MRGPRF: variants seen among roughly 807,000 people sequenced by gnomAD.
MRGPRF encodes the protein MAS related GPR family member F.
In MRGPRF, 2 loss-of-function variants were observed where a neutral mutation model predicts 3.3. The observed-to-expected ratio is 0.61, with a 90% CI of 0.25 to 1.92. The LOEUF (loss-of-function observed/expected upper bound fraction) is 1.92. Ranked by LOEUF, MRGPRF falls within the 40% of genes most tolerant of loss-of-function variation. The pLI is 0.16. For missense variants in MRGPRF, 500 were observed against 476.0 expected (o/e 1.05, Z -0.47); for synonymous variants, 242 against 222.7 (o/e 1.09, Z -0.77).
rs759964191 is a variant in MRGPRF at position 69,009,845 on chromosome 11, G to T, written c.48+9C>A. The T allele has an allele frequency of 1.2e-6, 2 of 1,609,446 alleles. No individual in the cohort carries two copies. Among genetic ancestry groups the T allele is most frequent in the South Asian group, 2.2e-5 (2 of 91,038 alleles). The stretch of plus-strand genomic sequence containing the variant: ...GGCAAGACCAGGGCCCTCCGCCTGT[G>T]GCACTTACCTTGTTCCTGTTGCCGG... On this transcript the variant is annotated intron_variant, in intron 2 of 2. Coordinates refer to ENST00000309099, the MANE Select transcript of MRGPRF (RefSeq NM_145015.5).
In MRGPRF at chr11:69,005,474, C is replaced by A; in HGVS notation, c.836G>T (p.Cys279Phe). The A allele has an allele frequency of 6.3e-7, 1 of 1,587,582 alleles. No homozygotes were observed. The highest frequency in any genetic ancestry group is 1.8e-5 in the Admixed American group (1 of 56,150). Residue 279 changes from cysteine to phenylalanine, a missense_variant, in exon 3 of 3, where the codon TGC becomes TTC. Cys to Phe is a radical substitution (Grantham distance 205). Transcript: ENST00000309099. ...CTTGGCGCTGCTGTTGATGCAGATGCACAGGTCAGTGACGTACTCGGGGAA... is the reference window on the plus strand; with the variant it reads ...CTTGGCGCTGCTGTTGATGCAGATGAACAGGTCAGTGACGTACTCGGGGAA... ...APFPEYVTDLCICINSSAKPI... is the reference protein window; with the variant it reads ...APFPEYVTDLFICINSSAKPI...
In MRGPRF at chr11:69,013,182, C is replaced by T. The variant is rs898551338; in HGVS notation, c.-156G>A. ...ACCCGCCGGGGCAGCAGGCCAGCGC[C>T]GAGCGCGGCCCGGAGCCTTGGAAAA... On this transcript the variant is annotated 5_prime_UTR_variant, in exon 1 of 3. Transcript: ENST00000309099. The T allele has an allele frequency of 3.3e-5, 5 of 152,320 alleles. No homozygotes were observed. The highest frequency in any genetic ancestry group is 3.1e-3 in the Middle Eastern group (1 of 320). The allele number at this position is 152,320 out of a possible 1,614,324, so 9.4% of individuals were successfully genotyped here.
Position 69,005,465 on chromosome 11 carries a change from A to T in MRGPRF, c.845T>A (p.Ile282Asn). 2.5e-6 allele frequency: 4 copies of T among 1,588,266 alleles called. No homozygotes were observed. Among genetic ancestry groups the T allele is most frequent in the Non-Finnish European group, 2.6e-6 (3 of 1,167,502 alleles). The change falls in exon 3 of 3, where the codon ATC (isoleucine) becomes AAC (asparagine). Residue 282 changes from isoleucine to asparagine, a missense_variant. Transcript: ENST00000309099. ...GACGATGGGCTTGGCGCTGCTGTTG[A>T]TGCAGATGCACAGGTCAGTGACGTA... ...PEYVTDLCIC[I>N]NSSAKPIVYF...
Position 69,009,953 on chromosome 11 carries a change from C to T in MRGPRF, c.-52G>A, listed in dbSNP as rs368963464. ...TGCTGGCAGCTCACCAGTCTGCACA[C>T]CCACCTGGCAGAAGCCCAGAGAGAG... On this transcript the variant is annotated 5_prime_UTR_variant, in exon 2 of 3. It adds an upstream start codon to the 5' untranslated region. Transcript: ENST00000309099. The T allele has an allele frequency of 3.2e-6, 5 of 1,567,004 alleles. No homozygotes were observed. Among genetic ancestry groups the T allele is most frequent in the Non-Finnish European group, 3.4e-6 (4 of 1,160,210 alleles).
rs1396282485 is a variant in MRGPRF at position 69,004,669 on chromosome 11, A to G, written c.*609T>C. 2 of 152,252 alleles carry G rather than the reference A, an allele frequency of 1.3e-5. No individual in the cohort carries two copies. Among genetic ancestry groups the G allele is most frequent in the African/African-American group, 4.8e-5 (2 of 41,446 alleles). 9.4% of individuals were successfully genotyped at this position (152,252 alleles called of 1,614,324 possible). The stretch of plus-strand genomic sequence containing the variant: ...GCAGGTCAACTACCCAAGGCGGCCA[A>G]AGGCCCTTCCTGTCTCCAGAGCCTT... On this transcript the variant is annotated 3_prime_UTR_variant, in exon 3 of 3. Transcript: ENST00000309099.
At chr11:69,011,331 C>T (rs909394590) in intron 1 of MRGPRF, among the ~76,000 whole-genome samples, 4 of 152,200 alleles carry the variant, frequency 2.6e-5, no homozygotes, top group African/African-American at 9.6e-5. Context: ...AGTGGCCTGG[C>T]TCCCCTCGGC....
intron 1 of MRGPRF, among the ~76,000 whole-genome samples, chr11:69,010,843 G>T (rs1860580448): frequency 6.6e-6 from 1 of 152,146 alleles, no homozygotes; most frequent in Admixed American, 6.5e-5. Flanking sequence ...CCTGCCTTGG[G>T]TCCTCTGGAA....
rs1297619894 is a variant in MRGPRF, at chr11:69,009,905, C to T, written c.-4G>A. 1 of 1,604,930 alleles carries T rather than the reference C, an allele frequency of 6.2e-7. No homozygotes were observed. Among genetic ancestry groups the T allele is most frequent in the Non-Finnish European group, 8.5e-7 (1 of 1,178,266 alleles). On this transcript the variant is annotated 5_prime_UTR_variant, in exon 2 of 3. Coordinates refer to ENST00000309099, the MANE Select transcript of MRGPRF (RefSeq NM_145015.5). ...CCCAGGAGCAGTTTCCAGCCATCTC[C>T]AGGCCTGGCGCGTCTGGGCCCCTGC...
intron 1 of MRGPRF, among the ~76,000 whole-genome samples, chr11:69,010,816 C>G (rs1198019061): frequency 2.6e-5 from 4 of 152,130 alleles, no homozygotes; most frequent in African/African-American, 9.7e-5. Flanking sequence ...CTTGGCCGGC[C>G]AGACCTCATG....
intron 2 of MRGPRF, chr11:69,009,623 C>G: frequency 1.6e-6 from 1 of 637,264 alleles, no homozygotes. Context: ...AGCGAGGGAC[C>G]TTGAGGTCCA....
At position 69,005,287 on chromosome 11, in the gene MRGPRF, G is replaced by C. The variant is rs1400583236; in HGVS notation, c.1023C>G (p.Asn341Lys). The C allele has an allele frequency of 4.7e-6, 7 of 1,498,300 alleles. No individual in the cohort carries two copies. In the East Asian group the frequency reaches 9.7e-5, roughly 21 times the overall value. 92.8% of individuals were successfully genotyped at this position (1,498,300 alleles called of 1,614,324 possible). ...VTMEMQCPPG[N>K]AS ...TCCAGGCGCTGGAGTCTCAGGAGGC[G>C]TTCCCCGGGGGACACTGCATCTCCA... is the stretch of plus-strand genomic sequence containing the variant. The change falls in exon 3 of 3, where the codon AAC (asparagine) becomes AAG (lysine). Residue 341 changes from asparagine (N) to lysine (K), a missense_variant. Asn to Lys is a moderately conservative substitution (Grantham distance 94). Transcript: ENST00000309099.
At chr11:69,008,089 C>T (rs1019354223) in intron 2 of MRGPRF, among the ~76,000 whole-genome samples, 4 of 152,128 alleles carry the variant, frequency 2.6e-5, no homozygotes, top group African/African-American at 9.7e-5. Context: ...TGGTGGGGGC[C>T]AGGGATTGGG....
Position 69,009,925 on chromosome 11 carries a change from C to T in MRGPRF, c.-24G>A. 1 of 1,595,382 alleles carries T rather than the reference C, an allele frequency of 6.3e-7. No individual in the cohort carries two copies. Among genetic ancestry groups the T allele is most frequent in the Non-Finnish European group, 8.5e-7 (1 of 1,174,846 alleles). ...ATCTCCAGGCCTGGCGCGTCTGGGCCCCTGCTGGCAGCTCACCAGTCTGCA... is the reference window on the plus strand; with the variant it reads ...ATCTCCAGGCCTGGCGCGTCTGGGCTCCTGCTGGCAGCTCACCAGTCTGCA... On this transcript the variant is annotated 5_prime_UTR_variant, in exon 2 of 3. Coordinates refer to ENST00000309099, the MANE Select transcript of MRGPRF (RefSeq NM_145015.5).
intron 1 of MRGPRF, among the ~76,000 whole-genome samples, chr11:69,012,069 T>A (rs1464550409): frequency 6.6e-6 from 1 of 152,248 alleles, no homozygotes; most frequent in African/African-American, 2.4e-5. Flanking sequence ...GACATGTGTG[T>A]GACACGTGGA....
At chr11:69,007,187 G>C (rs999418961) in intron 2 of MRGPRF, among the ~76,000 whole-genome samples, 1 of 152,188 alleles carries the variant, frequency 6.6e-6, no homozygotes, top group Non-Finnish European at 1.5e-5. Context: ...GGGCATCAAG[G>C]GCTTGGTGTC....
chr11:69,011,362 C>A (rs527348024), intron 1 of MRGPRF, among the ~76,000 whole-genome samples: 1 of 152,318 alleles, frequency 6.6e-6, no homozygotes, highest in East Asian at 1.9e-4. Context: ...CAGACCGCGC[C>A]GCTCTGCGCC....
chr11:69,009,615 C>A, intron 2 of MRGPRF: 1 of 628,372 alleles, frequency 1.6e-6, no homozygotes, highest in Non-Finnish European at 2.9e-6. Flanking sequence ...GTCAGCACAG[C>A]GAGGGACCTT....
rs1025889218 is a variant in MRGPRF, at chr11:69,005,998, C to G, written c.312G>C (p.Thr104=). The G allele has an allele frequency of 4.5e-6, 7 of 1,566,552 alleles. No homozygotes were observed. The East Asian group carries it at 1.4e-4, about 32-fold the overall frequency. Residue 104 remains threonine (T), a synonymous_variant, in exon 3 of 3, where the codon ACG becomes ACC. Transcript: ENST00000309099. ...FSKAVFSILN[T]GGFLGTFADY... is the part of the protein sequence containing the mutation. Reference sequence around the variant, plus strand: ...CGGCAAACGTGCCCAGGAAGCCCCCCGTGTTCAGGATGGAGAACACCGCCT... The same window carrying G: ...CGGCAAACGTGCCCAGGAAGCCCCCGGTGTTCAGGATGGAGAACACCGCCT...
chr11:69,004,747 A>C lies in MRGPRF; in HGVS notation c.*531T>G. 1 of 152,714 alleles carries C rather than the reference A, an allele frequency of 6.5e-6. No individual in the cohort carries two copies. Among genetic ancestry groups the C allele is most frequent in the Non-Finnish European group, 1.5e-5 (1 of 68,324 alleles). 9.5% of individuals were successfully genotyped at this position (152,714 alleles called of 1,614,324 possible). ...GTCACCAAATGACTCGACGGGGGGA[A>C]GGGAGGTTGTTTGCAGAAAGACTTA... On this transcript the variant is annotated 3_prime_UTR_variant, in exon 3 of 3. Coordinates refer to ENST00000309099, the MANE Select transcript of MRGPRF (RefSeq NM_145015.5).
Sources: gnomAD v4.1 joint callset for allele counts (sites outside exome capture counted in the v4.1 genomes callset) on GRCh38, gnomAD v4.1.1 for gene constraint, MANE v1.5 for transcripts, NCBI Gene and HGNC (gene_info 2026-07-23, HGNC 2026-07-21) for gene names.